Variants in EYS observed in about 807,000 individuals in gnomAD.
EYS encodes EGF-like photoreceptor maintenance factor.
Under a neutral mutation model 282.1 loss-of-function variants are expected in EYS, and 250 were observed. That is an observed-to-expected ratio of 0.89 (90% CI 0.80 to 0.98). The LOEUF (loss-of-function observed/expected upper bound fraction) is 0.98, where lower values mean the gene tolerates loss of function less well. Ranked by LOEUF, EYS falls within the 50% of genes least tolerant of loss-of-function variation. EYS has a pLI of 0.00. For synonymous variants in EYS, 1,355 were observed against 1,282.9 expected, an observed-to-expected ratio of 1.06 and a Z score of -1.20; for missense variants, 4,016 against 3,709.0, an observed-to-expected ratio of 1.08 and a Z score of -2.15.
intron 41 of EYS, among the ~76,000 whole-genome samples, chr6:63,748,917 A>G (rs1035208663): frequency 2.0e-5 from 3 of 150,622 alleles, no homozygotes; most frequent in Admixed American, 6.6e-5. Flanking sequence ...ATTTTATTTT[A>G]TTTTTTCAAA....
At chr6:63,894,999 G>GACTTGCCTGGCCGTCTTCC (rs1773500891) in intron 35 of EYS, among the ~76,000 whole-genome samples, 1 of 151,906 alleles carries the variant, frequency 6.6e-6, no homozygotes, top group South Asian at 2.1e-4. Flanking sequence ...GGGCCATTGA[G>GACTTGCCTGGCCGTCTTCC]ACTTGCCTGG....
chr6:65,394,835 C>G (rs1253151390), intron 7 of EYS, among the ~76,000 whole-genome samples: 1 of 152,100 alleles, frequency 6.6e-6, no homozygotes, highest in Non-Finnish European at 1.5e-5. Flanking sequence ...CCTCTTCTCT[C>G]ACAGCCCAAT....
intron 26 of EYS, among the ~76,000 whole-genome samples, chr6:64,522,124 T>G (rs1460170668): frequency 2.0e-5 from 3 of 151,836 alleles, no homozygotes; most frequent in Admixed American, 6.6e-5. Flanking sequence ...ATGTGTTAAA[T>G]GTACAAACTA....
At chr6:65,235,651 C>T (rs2150271590) in intron 12 of EYS, among the ~76,000 whole-genome samples, 1 of 152,194 alleles carries the variant, frequency 6.6e-6, no homozygotes, top group Admixed American at 6.5e-5. Context: ...AGAGTTTGAG[C>T]TTCAATATTT....
At chr6:64,296,270 C>G (rs1208975274) in intron 30 of EYS, among the ~76,000 whole-genome samples, 1 of 151,960 alleles carries the variant, frequency 6.6e-6, no homozygotes. Flanking sequence ...AATTACAGGA[C>G]AGATTGAATG....
chr6:64,561,798 C>T (rs1048908330), intron 26 of EYS, among the ~76,000 whole-genome samples: 3 of 151,420 alleles, frequency 2.0e-5, no homozygotes, highest in Non-Finnish European at 4.4e-5. Context: ...CTACCAATGG[C>T]ATTCTTCCCA....
rs1355489917 is a variant in EYS, at chr6:65,142,517, C to CAG, written c.2024-84791_2024-84790insCT. ...ACACACACACACACACACACACACACACAGAGTTCCAATACTAATTTCTTG... is the reference window on the plus strand; with the variant it reads ...ACACACACACACACACACACACACACAGACAGAGTTCCAATACTAATTTCTTG... On this transcript the variant is annotated intron_variant, in intron 12 of 42. Coordinates refer to ENST00000503581, the MANE Select transcript of EYS (RefSeq NM_001142800.2). Among the ~76,000 whole-genome samples, 358 of 150,594 alleles carry CAG rather than the reference C, an allele frequency of 2.4e-3. 2 individuals carry two copies. The highest frequency in any genetic ancestry group is 8.0e-3 in the African/African-American group (328 of 40,816).
intron 12 of EYS, among the ~76,000 whole-genome samples, chr6:65,232,678 A>G (rs954643834): frequency 1.3e-5 from 2 of 152,104 alleles, no homozygotes; most frequent in African/African-American, 4.8e-5. Flanking sequence ...TACTTGATTT[A>G]GCTTCTGTTT....
chr6:65,523,941 AG>A (rs1157898619), intron 2 of EYS, among the ~76,000 whole-genome samples: 1 of 152,178 alleles, frequency 6.6e-6, no homozygotes, highest in Non-Finnish European at 1.5e-5. Context: ...GCACGATCCC[AG>A]CTCACTGCAA....
chr6:63,934,939 A>C (rs1373275535), intron 35 of EYS, among the ~76,000 whole-genome samples: 1 of 152,194 alleles, frequency 6.6e-6, no homozygotes, highest in Non-Finnish European at 1.5e-5. Flanking sequence ...ACAACAACAA[A>C]AAAAACTACC....
intron 12 of EYS, among the ~76,000 whole-genome samples, chr6:65,288,565 G>C (rs920791325): frequency 1.3e-5 from 2 of 150,850 alleles, no homozygotes; most frequent in African/African-American, 4.8e-5. Context: ...AAGTATAAAG[G>C]TGAAAGAAAG....
At chr6:64,481,266 G>T (rs1776428417) in intron 26 of EYS, among the ~76,000 whole-genome samples, 1 of 122,484 alleles carries the variant, frequency 8.2e-6, no homozygotes. Flanking sequence ...TGTGTATGGT[G>T]TGTGTGTGTA....
At chr6:65,352,160 T>C (rs964557624) in intron 9 of EYS, among the ~76,000 whole-genome samples, 2 of 151,858 alleles carry the variant, frequency 1.3e-5, no homozygotes, top group African/African-American at 4.8e-5. Context: ...AACTCTACAG[T>C]ATACTATTTT....
chr6:65,519,809 G>A (rs1190236925), intron 2 of EYS, among the ~76,000 whole-genome samples: 6 of 137,720 alleles, frequency 4.4e-5, no homozygotes, highest in Admixed American at 2.3e-4. Context: ...TCAACCTCCC[G>A]CGGCTTAGGT....
intron 5 of EYS, among the ~76,000 whole-genome samples, chr6:65,435,092 C>T (rs996015973): frequency 6.6e-6 from 1 of 151,536 alleles, no homozygotes; most frequent in Non-Finnish European, 1.5e-5. Context: ...AAGATATTTT[C>T]TATCTGATTT....
intron 12 of EYS, among the ~76,000 whole-genome samples, chr6:65,159,315 T>C (rs1009134178): frequency 2.1e-4 from 31 of 150,986 alleles, no homozygotes; most frequent in African/African-American, 7.5e-4. Flanking sequence ...TCCAGTGACC[T>C]GGCAGTGGGC....
intron 12 of EYS, among the ~76,000 whole-genome samples, chr6:65,153,293 G>A (rs1764657158): frequency 6.6e-6 from 1 of 150,532 alleles, no homozygotes; most frequent in African/African-American, 2.4e-5. Context: ...TTTATGCAAG[G>A]AAGAGCCTAA....
intron 40 of EYS, among the ~76,000 whole-genome samples, chr6:63,772,548 T>C (rs1045084402): frequency 2.0e-5 from 3 of 152,276 alleles, no homozygotes; most frequent in East Asian, 3.9e-4. Context: ...CAGGATGCAA[T>C]AGAATCTCTT....
At chr6:64,584,470 AT>A (rs1766170693) in intron 26 of EYS, among the ~76,000 whole-genome samples, 1 of 151,788 alleles carries the variant, frequency 6.6e-6, no homozygotes, top group African/African-American at 2.4e-5. Flanking sequence ...ATGCTTTTAA[AT>A]TTTTTATTAA....
Sources: gnomAD v4.1 joint callset for allele counts (sites outside exome capture counted in the v4.1 genomes callset) on GRCh38, gnomAD v4.1.1 for gene constraint, MANE v1.5 for transcripts, NCBI Gene and HGNC (gene_info 2026-07-23, HGNC 2026-07-21) for gene names.